The following GRIK4 variants were observed in gnomAD, a reference collection of about 807,000 sequenced individuals.
The protein encoded by GRIK4 is glutamate receptor ionotropic, kainate 4.
GRIK4 carries 40 observed loss-of-function variants against 104.9 expected under a neutral mutation model. That is an observed-to-expected ratio of 0.38 (90% confidence interval 0.30 to 0.50). GRIK4 has a LOEUF of 0.50. Ranked by LOEUF, GRIK4 falls within the 20% of genes least tolerant of loss-of-function variation. The pLI is 0.93. For synonymous variants in GRIK4, 485 were observed against 524.9 expected (o/e 0.92, Z 1.04); for missense variants, 1,047 against 1,308.1 (o/e 0.80, Z 3.08).
At chr11:120,841,667 G>A (rs539615857) in intron 8 of GRIK4, among the ~76,000 whole-genome samples, 29 of 152,058 alleles carry the variant, frequency 1.9e-4, no homozygotes, top group East Asian at 5.8e-4. Flanking sequence ...GTAATTATCC[G>A]TTTATTTATT....
At chr11:120,619,876 C>CT (rs60138020) in intron 1 of GRIK4, 8,015 of 200,774 alleles carry the variant, frequency 0.04, 370 homozygotes, top group East Asian at 0.2. Context: ...TCTGCTATTT[C>CT]TTTTTTTTTT....
At chr11:120,545,050 G>A (rs1019213246) in intron 1 of GRIK4, among the ~76,000 whole-genome samples, 4 of 152,140 alleles carry the variant, frequency 2.6e-5, no homozygotes, top group African/African-American at 9.7e-5. Flanking sequence ...GCAGCTGACT[G>A]AAGGCCTCAC....
At chr11:120,883,784 A>G (rs1375082652) in intron 11 of GRIK4, among the ~76,000 whole-genome samples, 6 of 152,184 alleles carry the variant, frequency 3.9e-5, no homozygotes, top group African/African-American at 1.4e-4. Context: ...TTTTAAATGT[A>G]TTTCTTATAA....
intron 3 of GRIK4, among the ~76,000 whole-genome samples, chr11:120,669,957 T>G (rs1949987092): frequency 6.6e-6 from 1 of 152,240 alleles, no homozygotes; most frequent in African/African-American, 2.4e-5. Context: ...ATTTGCCATG[T>G]CCAAAATCGA....
intron 3 of GRIK4, among the ~76,000 whole-genome samples, chr11:120,784,303 A>T (rs1196930939): frequency 6.6e-6 from 1 of 152,128 alleles, no homozygotes; most frequent in Non-Finnish European, 1.5e-5. Flanking sequence ...GAATAAAAAG[A>T]CCCATTACTT....
chr11:120,951,281 C>T (rs1345696149), intron 14 of GRIK4, among the ~76,000 whole-genome samples: 2 of 152,332 alleles, frequency 1.3e-5, no homozygotes, highest in African/African-American at 2.4e-5. Flanking sequence ...TATGCAAATA[C>T]AACAGGAGCG....
At chr11:120,671,944 G>C (rs1036683576) in intron 3 of GRIK4, among the ~76,000 whole-genome samples, 1 of 152,154 alleles carries the variant, frequency 6.6e-6, no homozygotes, top group African/African-American at 2.4e-5. Flanking sequence ...GTAGACGTAT[G>C]TTGTATTTCT....
chr11:120,828,855 T>C (rs1189728227), intron 6 of GRIK4, among the ~76,000 whole-genome samples: 1 of 152,160 alleles, frequency 6.6e-6, no homozygotes, highest in East Asian at 1.9e-4. Flanking sequence ...AGGCTGGGAA[T>C]TGATTGGAAT....
intron 13 of GRIK4, among the ~76,000 whole-genome samples, chr11:120,923,265 C>G (rs1285851490): frequency 6.6e-6 from 1 of 152,104 alleles, no homozygotes; most frequent in Non-Finnish European, 1.5e-5. Flanking sequence ...GATGTTGCGG[C>G]CCAAAGCAGA....
rs183355901 is a variant in GRIK4 at position 120,752,875 on chromosome 11, C to T, written c.83-49818C>T. ...GGTTTCTAAGCCTGTTCACCCTCCT[C>T]CATAGTCAAGTCAGAGGAGGCTCCC... On this transcript the variant is annotated intron_variant, in intron 3 of 20. Transcript: ENST00000527524. Among the ~76,000 whole-genome samples the T allele has an allele frequency of 1.1e-4, 17 of 152,358 alleles. No homozygotes were observed. The East Asian group carries it at 3.3e-3, about 29-fold the overall frequency.
chr11:120,793,964 G>T (rs1170764471), intron 3 of GRIK4, among the ~76,000 whole-genome samples: 5 of 151,392 alleles, frequency 3.3e-5, no homozygotes, highest in African/African-American at 1.2e-4. Flanking sequence ...GGGGAAGGGT[G>T]GTGTTAGGGC....
intron 20 of GRIK4, among the ~76,000 whole-genome samples, chr11:120,982,966 C>T (rs7102603): frequency 0.31 from 46,444 of 151,956 alleles, 7,488 homozygotes; most frequent in Admixed American, 0.41. Flanking sequence ...AGGACTTCCA[C>T]GCCGTTGCCC....
chr11:120,777,507 A>G (rs1271068031), intron 3 of GRIK4, among the ~76,000 whole-genome samples: 4 of 152,218 alleles, frequency 2.6e-5, no homozygotes, highest in Non-Finnish European at 4.4e-5. Context: ...TGTGCCCGGC[A>G]CGGGGTTGGG....
At chr11:120,785,059 C>T (rs775479633) in intron 3 of GRIK4, among the ~76,000 whole-genome samples, 1 of 152,180 alleles carries the variant, frequency 6.6e-6, no homozygotes, top group Non-Finnish European at 1.5e-5. Flanking sequence ...CAGCAGCCCC[C>T]ATCACTCCCG....
chr11:120,921,474 C>T (rs556164071), intron 13 of GRIK4, among the ~76,000 whole-genome samples: 36 of 152,316 alleles, frequency 2.4e-4, no homozygotes, highest in South Asian at 1.2e-3. Context: ...TGTAGGTTTT[C>T]GGAAGATCCT....
chr11:120,816,519 G>A (rs1952965145), intron 5 of GRIK4, among the ~76,000 whole-genome samples: 1 of 152,104 alleles, frequency 6.6e-6, no homozygotes, highest in Non-Finnish European at 1.5e-5. Flanking sequence ...CTTAGAAACA[G>A]GAGGAACACT....
chr11:120,647,705 T>C (rs1185143050), intron 1 of GRIK4, among the ~76,000 whole-genome samples: 1 of 152,258 alleles, frequency 6.6e-6, no homozygotes, highest in East Asian at 1.9e-4. Context: ...CGCAGGGACA[T>C]TTTTCTGCCT....
intron 13 of GRIK4, among the ~76,000 whole-genome samples, chr11:120,913,281 T>A (rs1457550101): frequency 6.6e-6 from 1 of 152,140 alleles, no homozygotes; most frequent in Non-Finnish European, 1.5e-5. Flanking sequence ...ACTTCTGAGA[T>A]GTCCTTCCAG....
chr11:120,695,924 C>T (rs1229974431), intron 3 of GRIK4, among the ~76,000 whole-genome samples: 1 of 152,158 alleles, frequency 6.6e-6, no homozygotes, highest in Non-Finnish European at 1.5e-5. Context: ...CACACAGAGG[C>T]CTGCTCCATG....
Sources: gnomAD v4.1 joint callset for allele counts (sites outside exome capture counted in the v4.1 genomes callset) on GRCh38, gnomAD v4.1.1 for gene constraint, MANE v1.5 for transcripts, NCBI Gene and HGNC (gene_info 2026-07-23, HGNC 2026-07-21) for gene names.